NSD3: variants seen among roughly 807,000 people sequenced by gnomAD.
The protein encoded by NSD3 is nuclear receptor binding SET domain protein 3, also known as histone-lysine N-methyltransferase NSD3.
A neutral mutation model predicts 160.8 loss-of-function variants in NSD3; 24 were observed. That is an observed-to-expected ratio of 0.15 (90% CI 0.11 to 0.21). NSD3 has a LOEUF of 0.21. NSD3 is among the 10% of genes least tolerant of loss of function. The pLI is 1.00. For missense variants in NSD3, 1,157 were observed against 1,735.9 expected (o/e 0.67, Z 5.93); for synonymous variants, 520 against 600.0 (o/e 0.87, Z 1.95).
At chr8:38,366,218 G>T (rs1439299427) in intron 1 of NSD3, among the ~76,000 whole-genome samples, 1 of 150,122 alleles carries the variant, frequency 6.7e-6, no homozygotes, top group African/African-American at 2.5e-5. Flanking sequence ...CTGATTAAAA[G>T]ACTTTTAAAA....
At chr8:38,377,483 C>T (rs1434548258) in intron 1 of NSD3, among the ~76,000 whole-genome samples, 2 of 151,848 alleles carry the variant, frequency 1.3e-5, no homozygotes, top group African/African-American at 2.4e-5. Context: ...CGAGTAGCTG[C>T]GATTACAGGC....
At position 38,329,977 on chromosome 8, in the gene NSD3, T is replaced by G; in HGVS notation, c.1066-84A>C. ...ATATGTATTTCCCATGTGATCCTGT[T>G]ATCTTTTCAGGTCTACATAAATATC... On this transcript the variant is annotated intron_variant, in intron 5 of 23. Coordinates refer to ENST00000317025, the MANE Select transcript of NSD3 (RefSeq NM_023034.2). The surrounding 1 kb of genome is among the most constrained non-coding windows in gnomAD (Gnocchi z 4.8). 6.9e-7 allele frequency: 1 copy of G among 1,454,374 alleles called. No homozygotes were observed. Among genetic ancestry groups the G allele is most frequent in the Non-Finnish European group, 9.1e-7 (1 of 1,093,748 alleles). 90.1% of individuals were successfully genotyped at this position (1,454,374 alleles called of 1,614,324 possible).
At chr8:38,308,834 C>A (rs893600482) in intron 12 of NSD3, among the ~76,000 whole-genome samples, 2 of 151,604 alleles carry the variant, frequency 1.3e-5, no homozygotes, top group Non-Finnish European at 2.9e-5. Flanking sequence ...ATAAAATAAG[C>A]CTTCATTTAT....
At chr8:38,308,471 G>C (rs1013930277) in intron 12 of NSD3, among the ~76,000 whole-genome samples, 1 of 152,030 alleles carries the variant, frequency 6.6e-6, no homozygotes, top group East Asian at 1.9e-4. Context: ...TTAAAAGGTA[G>C]GAAGTTTGAC....
Position 38,347,359 on chromosome 8 carries a change from T to C in NSD3, c.675+138A>G, listed in dbSNP as rs1278264672. 9.4e-6 allele frequency: 8 copies of C among 848,926 alleles called. No individual in the cohort carries two copies. The Admixed American group carries it at 2.5e-4, about 26-fold the overall frequency. 52.6% of individuals were successfully genotyped at this position (848,926 alleles called of 1,614,324 possible). A position where few individuals can be genotyped will look rare whatever the true frequency, so the allele number is the denominator to read the frequency against. On this transcript the variant is annotated intron_variant, in intron 2 of 23. Coordinates refer to ENST00000317025, the MANE Select transcript of NSD3 (RefSeq NM_023034.2). Reference sequence around the variant, plus strand: ...AACAAATACTCAGCACCTATTATAATATTCTGAGCACGTTGCTAGTGATTA... The same window carrying C: ...AACAAATACTCAGCACCTATTATAACATTCTGAGCACGTTGCTAGTGATTA...
At chr8:38,347,059 TAA>T (rs1353107853) in intron 2 of NSD3, among the ~76,000 whole-genome samples, 1 of 152,194 alleles carries the variant, frequency 6.6e-6, no homozygotes, top group Non-Finnish European at 1.5e-5. Context: ...CTGATTTTAA[TAA>T]AAAGATTTCT....
chr8:38,327,354 CCAAAAAAA>C (rs1342434710), intron 6 of NSD3, among the ~76,000 whole-genome samples: 1 of 151,736 alleles, frequency 6.6e-6, no homozygotes, highest in Non-Finnish European at 1.5e-5. Context: ...CCGCACCCGG[CCAAAAAAA>C]ATTTTTTTTT....
At position 38,273,577 on chromosome 8, in the gene NSD3, A is replaced by G. The variant is rs944135160; in HGVS notation, c.*2064T>C. 3.9e-5 allele frequency: 6 copies of G among 152,238 alleles called. No homozygotes were observed. The highest frequency in any genetic ancestry group is 1.4e-4 in the African/African-American group (6 of 41,462). 9.4% of individuals were successfully genotyped at this position (152,238 alleles called of 1,614,324 possible). A position where few individuals can be genotyped will look rare whatever the true frequency, so the allele number is the denominator to read the frequency against. ...TCAAGAACTGTATTTGGAATATTAAAGGAAATCCTTATGTTAGTAAGTTTA... is the reference window on the plus strand; with the variant it reads ...TCAAGAACTGTATTTGGAATATTAAGGGAAATCCTTATGTTAGTAAGTTTA... On this transcript the variant is annotated 3_prime_UTR_variant, in exon 24 of 24. Coordinates refer to ENST00000317025, the MANE Select transcript of NSD3 (RefSeq NM_023034.2).
chr8:38,339,417 G>A (rs373695286), intron 2 of NSD3, among the ~76,000 whole-genome samples: 37 of 152,192 alleles, frequency 2.4e-4, no homozygotes, highest in African/African-American at 8.9e-4. Context: ...CTACTTACAA[G>A]AGCTAAGTAT....
At chr8:38,300,336 A>T (rs1809250518) in intron 14 of NSD3, among the ~76,000 whole-genome samples, 2 of 151,822 alleles carry the variant, frequency 1.3e-5, no homozygotes, top group South Asian at 2.1e-4. Flanking sequence ...TAATTTTTAA[A>T]TTTTTTTGTA....
In NSD3 at chr8:38,317,009, T is replaced by C. The variant is rs1387846044; in HGVS notation, c.1856-967A>G. On this transcript the variant is annotated intron_variant, in intron 9 of 23. Transcript: ENST00000317025. The surrounding 1 kb of genome is among the most constrained non-coding windows in gnomAD (Gnocchi z 5.3). ...CCCACAGTTTGTGTTTTGGATTTTTTCCCCCAAAATTTCCATACAACAAAC... is the reference window on the plus strand; with the variant it reads ...CCCACAGTTTGTGTTTTGGATTTTTCCCCCCAAAATTTCCATACAACAAAC... The C allele has an allele frequency of 1.0e-5, 11 of 1,059,700 alleles. No individual in the cohort carries two copies. The Admixed American group carries it at 1.6e-4, about 16-fold the overall frequency. 65.6% of individuals were successfully genotyped at this position (1,059,700 alleles called of 1,614,324 possible).
chr8:38,348,858 T>G (rs913549127), intron 1 of NSD3, among the ~76,000 whole-genome samples: 1 of 152,044 alleles, frequency 6.6e-6, no homozygotes, highest in African/African-American at 2.4e-5. Flanking sequence ...AGGGTTTCAC[T>G]ATGTTGCCCA....
At chr8:38,310,554 C>A (rs1192254556) in intron 12 of NSD3, among the ~76,000 whole-genome samples, 1 of 151,944 alleles carries the variant, frequency 6.6e-6, no homozygotes, top group Admixed American at 6.6e-5. Context: ...GTTGCCCAGG[C>A]TGGAGTGGAG....
At position 38,301,440 on chromosome 8, in the gene NSD3, C is replaced by T. The variant is rs187219846; in HGVS notation, c.2612-1850G>A. Among the ~76,000 whole-genome samples the T allele has an allele frequency of 4.6e-5, 7 of 152,286 alleles. 1 individual carries two copies. The highest frequency in any genetic ancestry group is 3.3e-4 in the Admixed American group (5 of 15,306). ...TAAAAATACAAAAGAATTAGCCAGG[C>T]GTGGTGGCACATGCCTGTAATCCCA... On this transcript the variant is annotated intron_variant, in intron 14 of 23. Coordinates refer to ENST00000317025, the MANE Select transcript of NSD3 (RefSeq NM_023034.2).
At chr8:38,355,472 G>T (rs1197906639) in intron 1 of NSD3, among the ~76,000 whole-genome samples, 1 of 151,082 alleles carries the variant, frequency 6.6e-6, no homozygotes, top group Admixed American at 6.6e-5. Flanking sequence ...GATAATGTAA[G>T]ATTTTGTGAG....
chr8:38,371,235 A>C (rs1811237494), intron 1 of NSD3, among the ~76,000 whole-genome samples: 1 of 152,166 alleles, frequency 6.6e-6, no homozygotes, highest in South Asian at 2.1e-4. Context: ...AACTAGTAGA[A>C]TTTTAGATAA....
intron 2 of NSD3, among the ~76,000 whole-genome samples, chr8:38,342,725 G>A (rs1397506725): frequency 3.3e-5 from 5 of 151,538 alleles, no homozygotes; most frequent in Non-Finnish European, 7.4e-5. Context: ...GCGCCACCAC[G>A]CCTGGTTGTA....
In NSD3 at chr8:38,272,551, A is replaced by G. The variant is rs1808508236; in HGVS notation, c.*3090T>C. 6.6e-6 allele frequency: 1 copy of G among 152,218 alleles called. No homozygotes were observed. Among genetic ancestry groups the G allele is most frequent in the Non-Finnish European group, 1.5e-5 (1 of 68,060 alleles). 9.4% of individuals were successfully genotyped at this position (152,218 alleles called of 1,614,324 possible). On this transcript the variant is annotated 3_prime_UTR_variant, in exon 24 of 24. Coordinates refer to ENST00000317025, the MANE Select transcript of NSD3 (RefSeq NM_023034.2). ...CCCTCCCTCCCCTGCACAGTGCCTG[A>G]GAAAGTTTCCCAGGATTTCATCTTT... is the stretch of plus-strand genomic sequence containing the variant.
Position 38,361,102 on chromosome 8 carries a change from T to G in NSD3, c.-44-12887A>C, listed in dbSNP as rs1158371684. 2.0e-5 allele frequency among the ~76,000 whole-genome samples: 3 copies of G among 152,286 alleles called. No individual in the cohort carries two copies. The South Asian group carries it at 6.2e-4, about 32-fold the overall frequency. ...GTGCAGCGGCACAATCTTGGCTCAC[T>G]GCAACCTCCGCCTCCCGAGTAGCTG... On this transcript the variant is annotated intron_variant, in intron 1 of 23. Transcript: ENST00000317025.
Sources: allele counts gnomAD v4.1 joint callset (sites outside exome capture counted in the v4.1 genomes callset), GRCh38; gene constraint gnomAD v4.1.1; non-coding constraint Gnocchi (gnomAD v3.1); transcripts MANE v1.5; gene names NCBI Gene and HGNC (gene_info 2026-07-23, HGNC 2026-07-21).